TBX19: variants seen among roughly 807,000 people sequenced by gnomAD.
TBX19 encodes the protein T-box transcription factor 19.
A neutral mutation model predicts 40.9 loss-of-function variants in TBX19; 33 were observed. The observed-to-expected ratio is 0.81, with a 90% CI of 0.61 to 1.08. The LOEUF (loss-of-function observed/expected upper bound fraction) is 1.08, where lower values mean the gene tolerates loss of function less well. Ranked by LOEUF, TBX19 falls within the 50% of genes least tolerant of loss-of-function variation. The pLI is 0.00. For missense variants in TBX19, 494 were observed against 574.0 expected (o/e 0.86, Z 1.42); for synonymous variants, 220 against 225.0 (o/e 0.98, Z 0.20).
chr1:168,283,203 C>A (rs142633956), intron 1 of TBX19, among the ~76,000 whole-genome samples: 312 of 152,296 alleles, frequency 2.0e-3, no homozygotes, highest in Middle Eastern at 0.014. Flanking sequence ...TCTTTAACGT[C>A]ATTTAATATT....
chr1:168,288,694 T>G (rs1336028777), intron 1 of TBX19, among the ~76,000 whole-genome samples: 1 of 152,206 alleles, frequency 6.6e-6, no homozygotes, highest in Non-Finnish European at 1.5e-5. Flanking sequence ...ATGAGTAATA[T>G]ATTATATGTT....
chr1:168,291,434 A>G lies in TBX19; in HGVS notation c.468+10A>G. ...CAATGGAGGCGGGCAGGTACGAATG[A>G]GGCGGGCAGGCCTGGCCACCCGCTC... On this transcript the variant is annotated intron_variant, in intron 2 of 7. Transcript: ENST00000367821. The G allele has an allele frequency of 3.1e-6, 5 of 1,614,020 alleles. No homozygotes were observed. Among genetic ancestry groups the G allele is most frequent in the Non-Finnish European group, 4.2e-6 (5 of 1,180,036 alleles).
At chr1:168,306,983 G>C (rs984985834) in intron 6 of TBX19, among the ~76,000 whole-genome samples, 1 of 152,164 alleles carries the variant, frequency 6.6e-6, no homozygotes, top group Admixed American at 6.5e-5. Flanking sequence ...GAGTGGGAGT[G>C]GGCAGGGGTA....
chr1:168,291,548 CA>C, intron 2 of TBX19, 124 bp downstream of exon 2: 1 of 1,364,264 alleles, frequency 7.3e-7, no homozygotes, highest in African/African-American at 1.4e-5. Flanking sequence ...CCACAGAAGC[CA>C]ATTATTCCCG....
intron 6 of TBX19, chr1:168,308,158 T>A (rs1468189852): frequency 1.4e-5 from 2 of 142,772 alleles, no homozygotes; most frequent in East Asian, 2.0e-4. Flanking sequence ...TTTTTTTTTT[T>A]AATTGTAGAG....
chr1:168,305,252 G>A, intron 6 of TBX19, 56 bp downstream of exon 6: 2 of 1,548,862 alleles, frequency 1.3e-6, no homozygotes, highest in Non-Finnish European at 1.8e-6. Context: ...GGGGCAGTCA[G>A]GAGAAATGGA....
In TBX19 at chr1:168,297,720, C is replaced by A. The variant is rs1429680293; in HGVS notation, c.604-4C>A. On this transcript the variant is annotated splice_region_variant and splice_polypyrimidine_tract_variant and intron_variant, in intron 3 of 7. Coordinates refer to ENST00000367821, the MANE Select transcript of TBX19 (RefSeq NM_005149.3). ...CTAACACTTCTTGTCTTTGTAAATG[C>A]AAGATAACGGCTCTCAAAATCAAGT... The A allele has an allele frequency of 6.2e-7, 1 of 1,613,920 alleles. No homozygotes were observed. Among genetic ancestry groups the A allele is most frequent in the African/African-American group, 1.3e-5 (1 of 75,034 alleles).
chr1:168,286,590 A>G (rs115956531), intron 1 of TBX19, among the ~76,000 whole-genome samples: 2,364 of 152,310 alleles, frequency 0.016, 53 homozygotes, highest in African/African-American at 0.053. Context: ...CAAATACTCC[A>G]TTGTATGGAT....
rs184001635 is a variant in TBX19, at chr1:168,304,067, C to G, written c.728-941C>G. On this transcript the variant is annotated intron_variant, in intron 5 of 7. Coordinates refer to ENST00000367821, the MANE Select transcript of TBX19 (RefSeq NM_005149.3). Reference sequence around the variant, plus strand: ...GGGAATGCAGCCCAGTAGGTCTCAGCCTCACTTTACCCGGCCCCTATTCAA... The same window carrying G: ...GGGAATGCAGCCCAGTAGGTCTCAGGCTCACTTTACCCGGCCCCTATTCAA... Among the ~76,000 whole-genome samples the G allele has an allele frequency of 1.2e-4, 19 of 152,302 alleles. No homozygotes were observed. In the East Asian group the frequency reaches 2.1e-3, roughly 17 times the overall value.
intron 4 of TBX19, among the ~76,000 whole-genome samples, chr1:168,300,033 A>G (rs1649237266): frequency 6.6e-6 from 1 of 152,212 alleles, no homozygotes; most frequent in African/African-American, 2.4e-5. Flanking sequence ...CAAAATTAGA[A>G]AAATATGTTA....
chr1:168,312,520 A>T (rs969771797), intron 7 of TBX19, among the ~76,000 whole-genome samples, 188 bp from the exon 8 acceptor site: 1 of 152,102 alleles, frequency 6.6e-6, no homozygotes, highest in African/African-American at 2.4e-5. Context: ...ATTCCACCAT[A>T]CTTTGCTGCT....
Position 168,308,845 on chromosome 1 carries a change from C to G in TBX19, c.1020C>G (p.Pro340=). Reference sequence around the variant, plus strand: ...CCCATGCCAGCATCCTGTCTGTACCCCACACCAACGGACCAATCAATCCAG... The same window carrying G: ...CCCATGCCAGCATCCTGTCTGTACCGCACACCAACGGACCAATCAATCCAG... ...STPHASILSV[P]HTNGPINPGP... Residue 340 remains proline (P), a synonymous_variant, in exon 7 of 8, where the codon CCC becomes CCG. Coordinates refer to ENST00000367821, the MANE Select transcript of TBX19 (RefSeq NM_005149.3). 1 of 1,614,110 alleles carries G rather than the reference C, an allele frequency of 6.2e-7. No individual in the cohort carries two copies.
At chr1:168,298,677 T>G (rs1649178200) in intron 4 of TBX19, among the ~76,000 whole-genome samples, 2 of 150,866 alleles carry the variant, frequency 1.3e-5, no homozygotes, top group Non-Finnish European at 3.0e-5. Context: ...TCCTTCCTTC[T>G]TTTTCTTTCT....
intron 7 of TBX19, among the ~76,000 whole-genome samples, chr1:168,310,013 G>A (rs567861344): frequency 2.0e-5 from 3 of 152,246 alleles, no homozygotes; most frequent in Non-Finnish European, 2.9e-5. Flanking sequence ...ATTAAAAGAT[G>A]AGGCTTGGCG....
intron 3 of TBX19, among the ~76,000 whole-genome samples, chr1:168,293,629 G>A (rs1360193047): frequency 4.6e-5 from 7 of 152,060 alleles, no homozygotes; most frequent in Non-Finnish European, 8.8e-5. Context: ...GGTACAATTG[G>A]GCAGGAGCTG....
chr1:168,304,859 A>T (rs1307804088), intron 5 of TBX19, 149 bp from the exon 6 acceptor site: 4 of 810,446 alleles, frequency 4.9e-6, no homozygotes, highest in Non-Finnish European at 8.2e-6. Flanking sequence ...CAGCTAGGGG[A>T]TGGTACCACC....
intron 5 of TBX19, among the ~76,000 whole-genome samples, 180 bp downstream of exon 5, chr1:168,300,663 A>G (rs1197151872): frequency 6.6e-6 from 1 of 152,226 alleles, no homozygotes; most frequent in African/African-American, 2.4e-5. Context: ...GAGAGAGCCA[A>G]TGGTCCTAGG....
At chr1:168,298,460 A>G (rs1649171874) in intron 4 of TBX19, among the ~76,000 whole-genome samples, 1 of 152,112 alleles carries the variant, frequency 6.6e-6, no homozygotes, top group Admixed American at 6.5e-5. Flanking sequence ...GCTTTTTTAA[A>G]ACTACATTTA....
chr1:168,303,763 G>A (rs1649338086), intron 5 of TBX19, among the ~76,000 whole-genome samples: 1 of 152,194 alleles, frequency 6.6e-6, no homozygotes. Flanking sequence ...GCTGAGGGTT[G>A]ATTTCTCCCC....
Sources: allele counts gnomAD v4.1 joint callset (sites outside exome capture counted in the v4.1 genomes callset), GRCh38; gene constraint gnomAD v4.1.1; transcripts MANE v1.5; gene names NCBI Gene and HGNC (gene_info 2026-07-23, HGNC 2026-07-21).